Variants in TRPC4 observed in about 807,000 individuals in gnomAD.
TRPC4 encodes the protein short transient receptor potential channel 4.
A neutral mutation model predicts 99.4 loss-of-function variants in TRPC4; 49 were observed. That is an observed-to-expected ratio of 0.49 (90% CI 0.39 to 0.63). TRPC4 has a LOEUF of 0.63. Ranked by LOEUF, TRPC4 falls within the 20% of genes least tolerant of loss-of-function variation. The probability of loss-of-function intolerance (pLI) is 0.00; values close to 1 mark genes in which losing one functional copy is unlikely to be tolerated. For missense variants in TRPC4, 898 were observed against 1,152.9 expected, an observed-to-expected ratio of 0.78 and a Z score of 3.20; for synonymous variants, 454 against 425.9, an observed-to-expected ratio of 1.07 and a Z score of -0.81.
At chr13:37,835,052 A>T (rs1245657985) in intron 1 of TRPC4, among the ~76,000 whole-genome samples, 4 of 148,934 alleles carry the variant, frequency 2.7e-5, no homozygotes, top group African/African-American at 1.0e-4. Flanking sequence ...TTTTTTTTTA[A>T]TTTTTTTTTT....
chr13:37,707,942 T>C (rs1954343775), intron 3 of TRPC4, among the ~76,000 whole-genome samples: 1 of 152,102 alleles, frequency 6.6e-6, no homozygotes, highest in Admixed American at 6.6e-5. Context: ...GCCTTTTCAC[T>C]TTGGACATCT....
chr13:37,705,350 G>C (rs1954236844), intron 3 of TRPC4, among the ~76,000 whole-genome samples: 1 of 152,056 alleles, frequency 6.6e-6, no homozygotes, highest in Non-Finnish European at 1.5e-5. Flanking sequence ...ATTTCAGTTA[G>C]ATAAGTTTAA....
chr13:37,657,152 T>A (rs1352579146), intron 6 of TRPC4, among the ~76,000 whole-genome samples: 1 of 152,182 alleles, frequency 6.6e-6, no homozygotes, highest in African/African-American at 2.4e-5. Context: ...ATTTAACTAT[T>A]TATTTTCTAG....
intron 2 of TRPC4, among the ~76,000 whole-genome samples, chr13:37,749,870 A>G (rs945541769): frequency 5.3e-5 from 8 of 152,148 alleles, no homozygotes; most frequent in Admixed American, 4.6e-4. Flanking sequence ...CATATAGTAA[A>G]ATGCATAAAT....
chr13:37,782,864 T>G, intron 2 of TRPC4, 92 bp downstream of exon 2: 2 of 1,238,604 alleles, frequency 1.6e-6, no homozygotes, highest in East Asian at 5.3e-5. Flanking sequence ...TTTCAGGGCA[T>G]TTGAAAATCT....
intron 1 of TRPC4, among the ~76,000 whole-genome samples, chr13:37,835,848 C>G (rs903527764): frequency 6.6e-6 from 1 of 152,116 alleles, no homozygotes; most frequent in African/African-American, 2.4e-5. Flanking sequence ...CAAATATGCT[C>G]TAACATTTAA....
rs1439831745 is a variant in TRPC4, at chr13:37,655,087, C to G, written c.1884+1G>C. ...AATTAAAATAAAGCTGGTCAACTTA[C>G]AGCAATCAGTTGGTAAGAATTATTC... On this transcript the variant is annotated splice_donor_variant, in intron 7 of 10. Transcript: ENST00000379705. LOFTEE classifies it high-confidence loss of function. 1 of 1,516,878 alleles carries G rather than the reference C, an allele frequency of 6.6e-7. No homozygotes were observed. The highest frequency in any genetic ancestry group is 8.9e-7 in the Non-Finnish European group (1 of 1,124,986). The allele number at this position is 1,516,878 out of a possible 1,614,324, so 94.0% of individuals were successfully genotyped here.
chr13:37,757,703 G>C (rs772502071), intron 2 of TRPC4, among the ~76,000 whole-genome samples: 1 of 151,740 alleles, frequency 6.6e-6, no homozygotes, highest in Non-Finnish European at 1.5e-5. Flanking sequence ...TCTGGGGAAA[G>C]ATCCAGAAGA....
chr13:37,805,694 T>C (rs1329518114), intron 1 of TRPC4, among the ~76,000 whole-genome samples: 1 of 152,004 alleles, frequency 6.6e-6, no homozygotes, highest in Non-Finnish European at 1.5e-5. Flanking sequence ...AATACACCCA[T>C]AATTATAAAA....
intron 4 of TRPC4, among the ~76,000 whole-genome samples, chr13:37,680,052 A>C (rs1002070173): frequency 2.0e-5 from 3 of 152,212 alleles, no homozygotes; most frequent in Non-Finnish European, 2.9e-5. Flanking sequence ...CCACCAGTTA[A>C]TGAAGAAAGC....
At chr13:37,817,168 G>T (rs900293317) in intron 1 of TRPC4, among the ~76,000 whole-genome samples, 1 of 152,040 alleles carries the variant, frequency 6.6e-6, no homozygotes, top group Non-Finnish European at 1.5e-5. Context: ...CACAACTTCC[G>T]CAAAGTCTCA....
intron 1 of TRPC4, among the ~76,000 whole-genome samples, chr13:37,784,851 T>A (rs1199519642): frequency 6.6e-6 from 1 of 152,140 alleles, no homozygotes; most frequent in Non-Finnish European, 1.5e-5. Context: ...GACATCCAGA[T>A]AATTCATCAT....
intron 1 of TRPC4, among the ~76,000 whole-genome samples, chr13:37,843,962 T>C (rs1212972008): frequency 6.6e-6 from 1 of 152,192 alleles, no homozygotes; most frequent in African/African-American, 2.4e-5. Context: ...TCTCCCAAGC[T>C]GGCACAGGAA....
intron 1 of TRPC4, among the ~76,000 whole-genome samples, chr13:37,823,893 C>G (rs981802741): frequency 6.7e-5 from 10 of 150,350 alleles, no homozygotes; most frequent in Non-Finnish European, 1.2e-4. Context: ...ATTGATTCTT[C>G]CTACTCATGA....
chr13:37,778,231 T>G (rs1421989571), intron 2 of TRPC4, among the ~76,000 whole-genome samples: 2 of 151,982 alleles, frequency 1.3e-5, no homozygotes, highest in Non-Finnish European at 2.9e-5. Flanking sequence ...AGCACTGGTA[T>G]TTCCTTGCTT....
At chr13:37,845,342 A>C (rs1273016921) in intron 1 of TRPC4, among the ~76,000 whole-genome samples, 1 of 152,202 alleles carries the variant, frequency 6.6e-6, no homozygotes, top group African/African-American at 2.4e-5. Flanking sequence ...TGACTAACAA[A>C]AAATTCAGAA....
At chr13:37,665,840 CA>C (rs1168472231) in intron 5 of TRPC4, among the ~76,000 whole-genome samples, 8,495 of 71,114 alleles carry the variant, frequency 0.12, 162 homozygotes, top group Middle Eastern at 0.16. Context: ...TCAGCTGAGA[CA>C]AAAAAAAAAA....
At chr13:37,694,315 A>G (rs1438934123) in intron 3 of TRPC4, among the ~76,000 whole-genome samples, 1 of 152,200 alleles carries the variant, frequency 6.6e-6, no homozygotes, top group Admixed American at 6.5e-5. Flanking sequence ...AAAACACTGT[A>G]AGGGACTAAG....
chr13:37,673,166 A>G (rs1477257947), intron 5 of TRPC4, among the ~76,000 whole-genome samples: 4 of 139,298 alleles, frequency 2.9e-5, no homozygotes, highest in East Asian at 2.2e-4. Context: ...TCATTGTTCA[A>G]TTCCCACCTA....
Sources: allele counts gnomAD v4.1 joint callset (sites outside exome capture counted in the v4.1 genomes callset), GRCh38; gene constraint gnomAD v4.1.1; transcripts MANE v1.5; gene names NCBI Gene and HGNC (gene_info 2026-07-23, HGNC 2026-07-21).